The following GLDN variants were observed in gnomAD, a reference collection of about 807,000 sequenced individuals.
GLDN encodes the protein collomin.
In GLDN, 47 loss-of-function variants were observed where a neutral mutation model predicts 56.5. The ratio of observed to expected loss-of-function variants is 0.83; its 90% CI spans 0.66 to 1.06. GLDN has a LOEUF of 1.06. GLDN is among the 50% of genes least tolerant of loss of function. The probability of loss-of-function intolerance (pLI) is 0.00; values close to 1 mark genes in which losing one functional copy is unlikely to be tolerated. For synonymous variants in GLDN, 332 were observed against 278.8 expected (o/e 1.19, Z -1.90); for missense variants, 782 against 714.3 (o/e 1.09, Z -1.08).
intron 8 of GLDN, among the ~76,000 whole-genome samples, chr15:51,401,126 TC>T (rs1456209056): frequency 3.9e-5 from 6 of 152,238 alleles, no homozygotes; most frequent in Non-Finnish European, 8.8e-5. Flanking sequence ...GGCCAGTTAT[TC>T]AATTGGGAAC....
In GLDN at chr15:51,407,306, A is replaced by AT. The variant is rs930898321; in HGVS notation, c.*2558dup. 2 of 152,144 alleles carry AT rather than the reference A, an allele frequency of 1.3e-5. No individual in the cohort carries two copies. The highest frequency in any genetic ancestry group is 4.8e-5 in the African/African-American group (2 of 41,430). 9.4% of individuals were successfully genotyped at this position (152,144 alleles called of 1,614,324 possible). On this transcript the variant is annotated 3_prime_UTR_variant, in exon 10 of 10. Transcript: ENST00000335449. ...TATTCTTTCTTGTAAACATTACTTG[A>AT]TTTTTTAAAGAAGTTTTGGGCTCAC...
In GLDN at chr15:51,407,592, G is replaced by T. The variant is rs2038411959; in HGVS notation, c.*2838G>T. ...AAGGCATTTTCTTTCAGCTGATAAG[G>T]TGTCCTCCTGAAGCCAAGTAGGTGG... On this transcript the variant is annotated 3_prime_UTR_variant, in exon 10 of 10. Transcript: ENST00000335449. 6.6e-6 allele frequency: 1 copy of T among 152,202 alleles called. No individual in the cohort carries two copies. 9.4% of individuals were successfully genotyped at this position (152,202 alleles called of 1,614,324 possible).
downstream of GLDN, among the ~76,000 whole-genome samples, chr15:51,412,909 G>T (rs2038482092): frequency 6.6e-6 from 1 of 152,106 alleles, no homozygotes; most frequent in African/African-American, 2.4e-5. Flanking sequence ...AAATATTTAT[G>T]ATTGGCCCCT....
At position 51,383,868 on chromosome 15, in the gene GLDN, G is replaced by A. The variant is rs1483761675; in HGVS notation, c.517G>A (p.Ala173Thr). 5.0e-6 allele frequency: 8 copies of A among 1,611,568 alleles called. No homozygotes were observed. The East Asian group carries it at 1.6e-4, about 31-fold the overall frequency. The change falls in exon 4 of 10, where the codon GCA (alanine) becomes ACA (threonine). Residue 173 changes from alanine (A) to threonine (T), a missense_variant. Physicochemically the swap from Ala to Thr is moderately conservative, Grantham distance 58. Transcript: ENST00000335449. ...TCAGGGCCCAAAAGGAGAAAAAGGA[G>A]CAAATGGAAAAAGAGGAAAAATGGG... is the stretch of plus-strand genomic sequence containing the variant. ...GPQGPKGEKG[A>T]NGKRGKMGIP...
chr15:51,342,063 G>C lies in GLDN; in HGVS notation c.363+16G>C. 1 of 1,589,686 alleles carries C rather than the reference G, an allele frequency of 6.3e-7. No individual in the cohort carries two copies. ...CATGGTGCCGGTAGGCGGGGTCTCTGTTCCCCGTGGCGCCCCGGCCAGGTG... is the reference window on the plus strand; with the variant it reads ...CATGGTGCCGGTAGGCGGGGTCTCTCTTCCCCGTGGCGCCCCGGCCAGGTG... On this transcript the variant is annotated intron_variant, in intron 1 of 9. Transcript: ENST00000335449.
intron 1 of GLDN, among the ~76,000 whole-genome samples, chr15:51,354,107 T>C (rs2037130285): frequency 6.6e-6 from 1 of 152,200 alleles, no homozygotes; most frequent in African/African-American, 2.4e-5. Flanking sequence ...TCGTTCAAAA[T>C]GCAATTTGTG....
chr15:51,389,415 C>A (rs1180970821), intron 4 of GLDN, among the ~76,000 whole-genome samples: 1 of 152,186 alleles, frequency 6.6e-6, no homozygotes, highest in Non-Finnish European at 1.5e-5. Context: ...GAAGATATAT[C>A]GTGCAACAGC....
At chr15:51,353,746 T>TA (rs56751652) in intron 1 of GLDN, among the ~76,000 whole-genome samples, 5,011 of 116,748 alleles carry the variant, frequency 0.043, 225 homozygotes, top group East Asian at 0.23. Context: ...CACAGTCAAT[T>TA]AAAAAAAAAA....
intron 4 of GLDN, among the ~76,000 whole-genome samples, chr15:51,386,211 C>A (rs1663751473): frequency 1.3e-5 from 2 of 152,192 alleles, no homozygotes; most frequent in Admixed American, 1.3e-4. Flanking sequence ...AGCCTCCACT[C>A]ATACTGAGAG....
chr15:51,366,415 T>C (rs1486494712), intron 1 of GLDN, among the ~76,000 whole-genome samples: 1 of 152,234 alleles, frequency 6.6e-6, no homozygotes, highest in Non-Finnish European at 1.5e-5. Context: ...TGATAGAGCC[T>C]GTAGGGCTCC....
intron 1 of GLDN, among the ~76,000 whole-genome samples, chr15:51,376,995 G>A (rs2037645854): frequency 6.6e-6 from 1 of 151,716 alleles, no homozygotes; most frequent in South Asian, 2.1e-4. Flanking sequence ...TACAAAATAT[G>A]GTGATGTCAA....
chr15:51,394,373 G>A (rs2038079847), intron 4 of GLDN, among the ~76,000 whole-genome samples: 1 of 152,136 alleles, frequency 6.6e-6, no homozygotes, highest in South Asian at 2.1e-4. Flanking sequence ...AGCACTTTGG[G>A]AGGCCGAGGC....
Position 51,355,555 on chromosome 15 carries a change from A to G in GLDN, c.363+13508A>G, listed in dbSNP as rs1334995921. On this transcript the variant is annotated intron_variant, in intron 1 of 9. Transcript: ENST00000335449. ...TTTTTTTTTTTTGAGATGGAGTCTCACTCTGTTGCCCAGGCTGGAGTCCAG... is the reference window on the plus strand; with the variant it reads ...TTTTTTTTTTTTGAGATGGAGTCTCGCTCTGTTGCCCAGGCTGGAGTCCAG... Among the ~76,000 whole-genome samples the G allele has an allele frequency of 4.7e-5, 6 of 128,686 alleles. No individual in the cohort carries two copies. In the East Asian group the frequency reaches 1.3e-3, roughly 28 times the overall value. The allele number at this position is 128,686 out of a possible 152,430, so 84.4% of individuals were successfully genotyped here.
chr15:51,381,735 T>TAAATC (rs1300324359), intron 2 of GLDN, among the ~76,000 whole-genome samples: 6 of 151,966 alleles, frequency 3.9e-5, no homozygotes, highest in African/African-American at 1.4e-4. Context: ...CACAAGCTTG[T>TAAATC]CACTGAGTTG....
At chr15:51,366,562 G>A (rs970740855) in intron 1 of GLDN, among the ~76,000 whole-genome samples, 2 of 152,238 alleles carry the variant, frequency 1.3e-5, no homozygotes, top group East Asian at 3.8e-4. Context: ...ATTACATTTT[G>A]AATTCAGTTG....
At chr15:51,356,540 G>A (rs1412044971) in intron 1 of GLDN, among the ~76,000 whole-genome samples, 1 of 152,190 alleles carries the variant, frequency 6.6e-6, no homozygotes, top group Non-Finnish European at 1.5e-5. Flanking sequence ...CCTTCTCCAT[G>A]TAAGAGGACT....
chr15:51,343,458 A>C (rs540164623), intron 1 of GLDN, among the ~76,000 whole-genome samples: 1 of 152,348 alleles, frequency 6.6e-6, no homozygotes, highest in South Asian at 2.1e-4. Context: ...TCTGAGCATC[A>C]TTGTTTTACA....
chr15:51,378,096 A>G (rs2037675180), intron 2 of GLDN, among the ~76,000 whole-genome samples: 1 of 151,520 alleles, frequency 6.6e-6, no homozygotes, highest in Non-Finnish European at 1.5e-5. Context: ...TATTTCCCCC[A>G]CCTCCCTCTC....
At chr15:51,393,804 T>C (rs1392861750) in intron 4 of GLDN, among the ~76,000 whole-genome samples, 1 of 152,234 alleles carries the variant, frequency 6.6e-6, no homozygotes, top group Non-Finnish European at 1.5e-5. Context: ...TGACACAAGC[T>C]GTTACTTAGA....
Sources: gnomAD v4.1 joint callset for allele counts (sites outside exome capture counted in the v4.1 genomes callset) on GRCh38, gnomAD v4.1.1 for gene constraint, MANE v1.5 for transcripts, NCBI Gene and HGNC (gene_info 2026-07-23, HGNC 2026-07-21) for gene names.